ADARB2: variants seen among roughly 807,000 people sequenced by gnomAD.
The protein encoded by ADARB2 is adenosine deaminase RNA specific B2 (inactive), also known as inactive double-stranded RNA-specific editase B2.
In ADARB2, 25 loss-of-function variants were observed where a neutral mutation model predicts 62.2. The observed-to-expected ratio is 0.40, with a 90% CI of 0.29 to 0.56. The LOEUF is 0.56. Ranked by LOEUF, ADARB2 falls within the 20% of genes least tolerant of loss-of-function variation. The pLI is 0.43. For synonymous variants in ADARB2, 572 were observed against 500.8 expected, an observed-to-expected ratio of 1.14 and a Z score of -1.90; for missense variants, 1,071 against 1,077.4, an observed-to-expected ratio of 0.99 and a Z score of 0.08.
intron 3 of ADARB2, among the ~76,000 whole-genome samples, chr10:1,317,797 G>A (rs982093500): frequency 3.9e-5 from 6 of 151,928 alleles, no homozygotes; most frequent in Admixed American, 3.3e-4. Context: ...TCTGTGGGCC[G>A]GCCACGCCCC....
chr10:1,578,791 T>A (rs1365322513), intron 1 of ADARB2, among the ~76,000 whole-genome samples: 1 of 151,410 alleles, frequency 6.6e-6, no homozygotes, highest in Non-Finnish European at 1.5e-5. Context: ...TACAGACATG[T>A]CCCCCCCATA....
chr10:1,506,396 C>T (rs1282593389), intron 1 of ADARB2, among the ~76,000 whole-genome samples: 1 of 152,160 alleles, frequency 6.6e-6, no homozygotes, highest in Non-Finnish European at 1.5e-5. Flanking sequence ...GCAGGAAGCC[C>T]ACAGGCTGTT....
chr10:1,404,458 C>T (rs1832689508), intron 1 of ADARB2, among the ~76,000 whole-genome samples: 1 of 152,238 alleles, frequency 6.6e-6, no homozygotes, highest in South Asian at 2.1e-4. Context: ...CAGGGAGACG[C>T]TGCGTGGTGA....
intron 5 of ADARB2, chr10:1,240,587 C>G (rs1488312082): frequency 6.6e-6 from 1 of 152,490 alleles, no homozygotes; most frequent in East Asian, 1.9e-4. Context: ...TCCCCCAGGA[C>G]CCTTGGCAAA....
chr10:1,499,702 T>A (rs1319788849), intron 1 of ADARB2, among the ~76,000 whole-genome samples: 1 of 151,886 alleles, frequency 6.6e-6, no homozygotes, highest in Non-Finnish European at 1.5e-5. Context: ...CATTACTCAC[T>A]CATAATTCAT....
intron 4 of ADARB2, among the ~76,000 whole-genome samples, chr10:1,266,072 G>C (rs1329243414): frequency 7.0e-6 from 1 of 142,872 alleles, no homozygotes; most frequent in African/African-American, 2.6e-5. Context: ...CGCTCCCCCG[G>C]AAGACGGCCT....
intron 1 of ADARB2, among the ~76,000 whole-genome samples, chr10:1,558,641 C>G (rs1463524576): frequency 8.7e-5 from 12 of 137,300 alleles, no homozygotes; most frequent in East Asian, 4.4e-4. Context: ...CCACCTCTGC[C>G]CCCCTCCGTG....
chr10:1,416,923 C>T (rs990826796), intron 1 of ADARB2, among the ~76,000 whole-genome samples: 21 of 152,210 alleles, frequency 1.4e-4, no homozygotes, highest in African/African-American at 3.9e-4. Flanking sequence ...GGGTGCAGCA[C>T]GGGTCCCCCT....
chr10:1,317,646 G>A (rs1212430954), intron 3 of ADARB2, among the ~76,000 whole-genome samples: 1 of 151,902 alleles, frequency 6.6e-6, no homozygotes, highest in East Asian at 1.9e-4. Context: ...CCCTGATGTT[G>A]CTGGTGCATC....
chr10:1,234,137 C>A (rs1245994915), intron 5 of ADARB2, among the ~76,000 whole-genome samples: 3 of 151,530 alleles, frequency 2.0e-5, no homozygotes, highest in Non-Finnish European at 4.4e-5. Context: ...TACAGGCATG[C>A]GCCACCACGC....
chr10:1,283,640 G>A (rs1831388698), intron 3 of ADARB2, among the ~76,000 whole-genome samples: 1 of 152,184 alleles, frequency 6.6e-6, no homozygotes, highest in Non-Finnish European at 1.5e-5. Context: ...TGATGATCGT[G>A]AGAATAACTA....
At chr10:1,282,460 T>C (rs1049416002) in intron 3 of ADARB2, among the ~76,000 whole-genome samples, 4 of 152,242 alleles carry the variant, frequency 2.6e-5, no homozygotes, top group African/African-American at 4.8e-5. Context: ...TAGTTTTCCA[T>C]AGTTGAATTA....
intron 1 of ADARB2, among the ~76,000 whole-genome samples, chr10:1,386,736 C>T (rs900308888): frequency 1.3e-5 from 2 of 151,804 alleles, no homozygotes; most frequent in Non-Finnish European, 3.0e-5. Flanking sequence ...CCCCTAGTTA[C>T]TGATAGAACA....
In ADARB2 at chr10:1,548,168, A is replaced by G. The variant is rs187853404; in HGVS notation, c.101-169008T>C. On this transcript the variant is annotated intron_variant, in intron 1 of 9. Coordinates refer to ENST00000381312, the MANE Select transcript of ADARB2 (RefSeq NM_018702.4). ...TTTCCCAGCTGAACCTTGGACCCGG[A>G]GGCTCAGGTGAGTTTTCCAGCTGGT... 5.3e-5 allele frequency among the ~76,000 whole-genome samples: 8 copies of G among 152,208 alleles called. No homozygotes were observed. In the East Asian group the frequency reaches 1.4e-3, roughly 26 times the overall value.
rs1458294759 is a variant in ADARB2, at chr10:1,219,885, G to T, written c.1514-2766C>A. 3.4e-5 allele frequency among the ~76,000 whole-genome samples: 5 copies of T among 148,258 alleles called. No individual in the cohort carries two copies. The East Asian group carries it at 1.0e-3, about 30-fold the overall frequency. ...GATGGTAATGGTGGTGGTGATGATG[G>T]TGATGGTGATAATGATGGTAATGGT... On this transcript the variant is annotated intron_variant, in intron 6 of 9. Transcript: ENST00000381312.
intron 1 of ADARB2, among the ~76,000 whole-genome samples, chr10:1,633,549 C>CATCTATCTATCTATCTATCTATCTAT (rs1554776929): frequency 3.1e-4 from 32 of 101,704 alleles, no homozygotes; most frequent in Non-Finnish European, 3.9e-4. Flanking sequence ...GTCTATCTAT[C>CATCTATCTATCTATCTATCTATCTAT]ATCTATCTAT....
At chr10:1,688,369 T>C (rs530976865) in intron 1 of ADARB2, among the ~76,000 whole-genome samples, 1 of 152,322 alleles carries the variant, frequency 6.6e-6, no homozygotes, top group African/African-American at 2.4e-5. Context: ...TCCCCTGCTG[T>C]TCCCTGACCC....
intron 3 of ADARB2, chr10:1,292,997 G>GA (rs1831482748): frequency 6.4e-5 from 4 of 62,400 alleles, no homozygotes; most frequent in African/African-American, 2.0e-4. Context: ...AGAGGGAGAG[G>GA]GAGGGAAGGA....
intron 1 of ADARB2, among the ~76,000 whole-genome samples, chr10:1,383,767 T>C (rs1832503508): frequency 6.6e-6 from 1 of 152,250 alleles, no homozygotes; most frequent in African/African-American, 2.4e-5. Context: ...CCCAGGACTA[T>C]CTATAAGGTC....
Sources: allele counts gnomAD v4.1 joint callset (sites outside exome capture counted in the v4.1 genomes callset), GRCh38; gene constraint gnomAD v4.1.1; transcripts MANE v1.5; gene names NCBI Gene and HGNC (gene_info 2026-07-23, HGNC 2026-07-21).